Variants in HSD17B3 observed in about 807,000 individuals in gnomAD.
HSD17B3 encodes the protein 17-beta-hydroxysteroid dehydrogenase type 3.
HSD17B3 carries 29 observed loss-of-function variants against 41.1 expected under a neutral mutation model. The observed-to-expected ratio is 0.71, with a 90% CI of 0.53 to 0.96. The LOEUF is 0.96. Among genes scored for constraint, HSD17B3 ranks in the 40% least tolerant of loss-of-function variants. The probability of loss-of-function intolerance (pLI) is 0.00; values close to 1 mark genes in which losing one functional copy is unlikely to be tolerated. For synonymous variants in HSD17B3, 126 were observed against 145.6 expected, an observed-to-expected ratio of 0.87 and a Z score of 0.97; for missense variants, 323 against 374.6, an observed-to-expected ratio of 0.86 and a Z score of 1.14.
In HSD17B3 at chr9:96,247,089, G is replaced by A. The variant is rs1025950036; in HGVS notation, c.490-499C>T. ...TATGAAATAGCTCCGTGGACACAGT[G>A]CATGGCCACTCCTGTGTATTGGAAT... On this transcript the variant is annotated intron_variant, in intron 6 of 10. Transcript: ENST00000375263. The A allele has an allele frequency of 1.5e-4, 30 of 201,398 alleles. No individual in the cohort carries two copies. The Admixed American group carries it at 1.6e-3, about 11-fold the overall frequency. 12.5% of individuals were successfully genotyped at this position (201,398 alleles called of 1,614,324 possible).
chr9:96,256,253 T>C (rs1825652664), intron 2 of HSD17B3: 1 of 152,210 alleles, frequency 6.6e-6, no homozygotes, highest in Non-Finnish European at 1.5e-5. Flanking sequence ...TGTGTCATCC[T>C]TGGGAACTCA....
intron 2 of HSD17B3, among the ~76,000 whole-genome samples, chr9:96,277,999 C>G (rs1055333606): frequency 6.6e-6 from 1 of 152,116 alleles, no homozygotes; most frequent in African/African-American, 2.4e-5. Flanking sequence ...AAGACAAATA[C>G]TGCATGATCT....
chr9:96,301,898 T>TA, intron 1 of HSD17B3, 53 bp downstream of exon 1: 1 of 1,572,150 alleles, frequency 6.4e-7, no homozygotes, highest in Non-Finnish European at 8.7e-7. Flanking sequence ...ATAATAATAG[T>TA]AACAAGCAGG....
intron 2 of HSD17B3, among the ~76,000 whole-genome samples, chr9:96,264,514 G>A (rs1382483566): frequency 6.6e-6 from 1 of 152,128 alleles, no homozygotes; most frequent in East Asian, 1.9e-4. Flanking sequence ...CTGTTTTATT[G>A]TTGCTGGGTT....
rs869145717 is a variant in HSD17B3 at position 96,255,367 on chromosome 9, C to CTTTTTTTTTTTT, written c.202-436_202-425dup. Among the ~76,000 whole-genome samples the CTTTTTTTTTTTT allele has an allele frequency of 8.2e-4, 45 of 54,568 alleles. 10 individuals are homozygous for CTTTTTTTTTTTT. The highest frequency in any genetic ancestry group is 1.5e-3 in the East Asian group (2 of 1,374). The allele number at this position is 54,568 out of a possible 152,430, so 35.8% of individuals were successfully genotyped here. On this transcript the variant is annotated intron_variant, in intron 2 of 10. Coordinates refer to ENST00000375263, the MANE Select transcript of HSD17B3 (RefSeq NM_000197.2). The stretch of plus-strand genomic sequence containing the variant: ...AAGCAGTGTTTCTGCCCCAACATTT[C>CTTTTTTTTTTTT]TTTTTTTTTTTTTTTTTTTTTTTTT...
chr9:96,256,909 C>T (rs1312869831), intron 2 of HSD17B3, among the ~76,000 whole-genome samples: 1 of 151,956 alleles, frequency 6.6e-6, no homozygotes, highest in Non-Finnish European at 1.5e-5. Flanking sequence ...GTGATTGGAT[C>T]GTGGGGGCCA....
intron 1 of HSD17B3, among the ~76,000 whole-genome samples, chr9:96,299,842 T>G (rs1239576628): frequency 6.6e-6 from 1 of 152,132 alleles, no homozygotes; most frequent in Non-Finnish European, 1.5e-5. Flanking sequence ...CTCTAGTTCT[T>G]GCGTTTCTTT....
intron 2 of HSD17B3, among the ~76,000 whole-genome samples, chr9:96,264,818 T>G (rs1281622004): frequency 6.6e-6 from 1 of 152,254 alleles, no homozygotes; most frequent in Non-Finnish European, 1.5e-5. Context: ...CTATAAAAGC[T>G]TATTTACTTT....
At chr9:96,280,637 C>A (rs1390942310) in intron 2 of HSD17B3, among the ~76,000 whole-genome samples, 1 of 152,132 alleles carries the variant, frequency 6.6e-6, no homozygotes, top group Admixed American at 6.5e-5. Flanking sequence ...GGTATTTGAG[C>A]CACAGCAACT....
chr9:96,276,295 T>C (rs1195776115), intron 2 of HSD17B3, among the ~76,000 whole-genome samples: 6 of 152,032 alleles, frequency 3.9e-5, no homozygotes, highest in African/African-American at 7.2e-5. Context: ...GATTAGAAGA[T>C]AGAAGAATTA....
intron 2 of HSD17B3, among the ~76,000 whole-genome samples, chr9:96,278,896 G>A (rs748518850): frequency 4.6e-5 from 7 of 152,178 alleles, no homozygotes; most frequent in African/African-American, 7.2e-5. Context: ...AAAGAGTCAG[G>A]AACCTGTTCT....
chr9:96,243,231 C>A (rs1836522218), intron 9 of HSD17B3, among the ~76,000 whole-genome samples: 1 of 152,170 alleles, frequency 6.6e-6, no homozygotes, highest in African/African-American at 2.4e-5. Flanking sequence ...TGCAGCATTA[C>A]AAAAGCGAAA....
intron 9 of HSD17B3, 130 bp from the exon 10 acceptor site, chr9:96,241,037 G>C (rs974211092): frequency 4.4e-6 from 5 of 1,145,238 alleles, no homozygotes; most frequent in East Asian, 2.4e-5. Context: ...TTAAGATCTT[G>C]AGTGGAAAAA....
At position 96,250,887 on chromosome 9, in the gene HSD17B3, C is replaced by CAAA. The variant is rs34131940; in HGVS notation, c.453+528_453+530dup. Among the ~76,000 whole-genome samples the CAAA allele has an allele frequency of 6.9e-3, 790 of 115,302 alleles. 13 individuals are homozygous for CAAA. Among genetic ancestry groups the CAAA allele is most frequent in the South Asian group, 0.015 (47 of 3,208 alleles). The allele number at this position is 115,302 out of a possible 152,430, so 75.6% of individuals were successfully genotyped here. ...TGGGCGACAGAGGGAGACTCCATCT[C>CAAA]AAAAAAAAAAAAAAAGAACTGTTAA... On this transcript the variant is annotated intron_variant, in intron 5 of 10. Transcript: ENST00000375263.
At chr9:96,294,086 G>C (rs1341955814) in intron 2 of HSD17B3, among the ~76,000 whole-genome samples, 3 of 152,086 alleles carry the variant, frequency 2.0e-5, no homozygotes, top group Admixed American at 1.3e-4. Context: ...GGAGAGGTTG[G>C]GAGCCCAGAA....
At chr9:96,287,709 C>CTAAATAAATAAA (rs201845606) in intron 2 of HSD17B3, among the ~76,000 whole-genome samples, 1 of 151,330 alleles carries the variant, frequency 6.6e-6, no homozygotes, top group Admixed American at 6.6e-5. Flanking sequence ...GACTCCGTCT[C>CTAAATAAATAAA]TAAATAAATA....
rs115807775 is a variant in HSD17B3, at chr9:96,249,511, G to C, written c.489+240C>G. 2.6e-3 allele frequency: 1,501 copies of C among 575,066 alleles called. 23 individuals are homozygous for C. Among genetic ancestry groups the C allele is most frequent in the African/African-American group, 0.024 (1,272 of 53,632 alleles). The allele number at this position is 575,066 out of a possible 1,614,324, so 35.6% of individuals were successfully genotyped here. ...ATCATCGAGCTTAGTATGTTCCAAC[G>C]TGTGACAAAACTGAAAGCAGAAATA... On this transcript the variant is annotated intron_variant, in intron 6 of 10. Coordinates refer to ENST00000375263, the MANE Select transcript of HSD17B3 (RefSeq NM_000197.2).
rs568096279 is a variant in HSD17B3, at chr9:96,252,848, C to T, written c.340G>A (p.Glu114Lys). The change falls in exon 4 of 11, where the codon GAG becomes AAG. Residue 114 changes from glutamate (E) to lysine (K), a missense_variant. By Grantham distance (56) the Glu-to-Lys change is moderately conservative. Coordinates refer to ENST00000375263, the MANE Select transcript of HSD17B3 (RefSeq NM_000197.2). ...QADFTKDDIY[E>K]HIKEKLAGLE... Reference sequence around the variant, plus strand: ...CCTGCAAGTTTTTCTTTAATATGCTCGTAGATGTCATCTTTTGTAAAATCT... The same window carrying T: ...CCTGCAAGTTTTTCTTTAATATGCTTGTAGATGTCATCTTTTGTAAAATCT... The T allele has an allele frequency of 1.2e-5, 19 of 1,613,526 alleles. No homozygotes were observed. The highest frequency in any genetic ancestry group is 1.0e-4 in the Admixed American group (6 of 60,006).
chr9:96,284,215 T>TAA (rs569621446), intron 2 of HSD17B3, among the ~76,000 whole-genome samples: 88 of 100,212 alleles, frequency 8.8e-4, no homozygotes, highest in African/African-American at 2.8e-3. Flanking sequence ...GACTCCATCT[T>TAA]AAAAAAAAAA....
Sources: gnomAD v4.1 joint callset for allele counts (sites outside exome capture counted in the v4.1 genomes callset) on GRCh38, gnomAD v4.1.1 for gene constraint, MANE v1.5 for transcripts, NCBI Gene and HGNC (gene_info 2026-07-23, HGNC 2026-07-21) for gene names.